The following DAB1 variants were observed in gnomAD, a reference collection of about 807,000 sequenced individuals.
The protein encoded by DAB1 is disabled homolog 1.
In DAB1, 15 loss-of-function variants were observed where a neutral mutation model predicts 64.6. The observed-to-expected ratio is 0.23, with a 90% CI of 0.16 to 0.36. The LOEUF (loss-of-function observed/expected upper bound fraction) is 0.36. Ranked by LOEUF, DAB1 falls within the 10% of genes least tolerant of loss-of-function variation. The pLI is 1.00. For missense variants in DAB1, 596 were observed against 706.7 expected, an observed-to-expected ratio of 0.84 and a Z score of 1.78; for synonymous variants, 235 against 251.9, an observed-to-expected ratio of 0.93 and a Z score of 0.64.
intron 6 of DAB1, among the ~76,000 whole-genome samples, chr1:57,652,476 C>T (rs745456722): frequency 1.2e-4 from 18 of 152,084 alleles, no homozygotes; most frequent in African/African-American, 3.4e-4. Flanking sequence ...GCTGGCTCTA[C>T]GTGTAAAAAT....
intron 5 of DAB1, among the ~76,000 whole-genome samples, chr1:58,086,258 C>T (rs539819957): frequency 2.6e-5 from 4 of 152,112 alleles, no homozygotes; most frequent in Non-Finnish European, 4.4e-5. Context: ...CCACCGCGCC[C>T]GGCCTGATCT....
intron 7 of DAB1, among the ~76,000 whole-genome samples, chr1:57,457,567 A>G (rs1031040831): frequency 6.6e-6 from 1 of 152,182 alleles, no homozygotes; most frequent in Non-Finnish European, 1.5e-5. Context: ...CAATGTATAC[A>G]GAAAGATATG....
intron 2 of DAB1, among the ~76,000 whole-genome samples, chr1:58,509,413 A>G (rs1036665478): frequency 4.7e-5 from 7 of 150,462 alleles, no homozygotes; most frequent in African/African-American, 1.7e-4. Flanking sequence ...TGGGTCAAGG[A>G]AAAAAAAACC....
At chr1:57,277,670 T>G (rs1671573874) in intron 2 of DAB1, among the ~76,000 whole-genome samples, 1 of 152,222 alleles carries the variant, frequency 6.6e-6, no homozygotes, top group Non-Finnish European at 1.5e-5. Flanking sequence ...ATAAGGGATA[T>G]GGGCATGATC....
intron 5 of DAB1, among the ~76,000 whole-genome samples, chr1:57,955,551 A>T (rs1450677648): frequency 6.6e-6 from 1 of 152,056 alleles, no homozygotes; most frequent in Non-Finnish European, 1.5e-5. Flanking sequence ...TTTCACTTTC[A>T]GTCACGATGC....
upstream of DAB1, among the ~76,000 whole-genome samples, chr1:57,426,934 G>A (rs1570506577): frequency 6.6e-6 from 1 of 150,846 alleles, no homozygotes; most frequent in South Asian, 2.1e-4. Flanking sequence ...CGCGATCTCG[G>A]CTCACTGCAA....
chr1:57,693,721 A>T (rs557722884), intron 6 of DAB1, among the ~76,000 whole-genome samples: 1 of 152,308 alleles, frequency 6.6e-6, no homozygotes, highest in South Asian at 2.1e-4. Flanking sequence ...CTGCGGCTTC[A>T]TTCTTGAAGT....
intron 4 of DAB1, among the ~76,000 whole-genome samples, chr1:58,193,282 G>A (rs1020949973): frequency 1.3e-5 from 2 of 152,072 alleles, no homozygotes; most frequent in African/African-American, 2.4e-5. Context: ...ATCTCAGCAC[G>A]TTCTGGCTCC....
At chr1:58,090,591 C>T (rs1650595764) in intron 5 of DAB1, among the ~76,000 whole-genome samples, 2 of 152,204 alleles carry the variant, frequency 1.3e-5, no homozygotes, top group South Asian at 4.1e-4. Flanking sequence ...AACTCTGTGA[C>T]TTTCTTGGGG....
At chr1:57,199,965 AC>A (rs1421279690) in intron 2 of DAB1, among the ~76,000 whole-genome samples, 2 of 152,200 alleles carry the variant, frequency 1.3e-5, no homozygotes, top group East Asian at 3.9e-4. Flanking sequence ...TGAGCATGGG[AC>A]CAAGGAATCC....
At chr1:58,081,944 C>T (rs1168318799) in intron 5 of DAB1, among the ~76,000 whole-genome samples, 2 of 152,138 alleles carry the variant, frequency 1.3e-5, no homozygotes, top group Non-Finnish European at 2.9e-5. Context: ...GTAAAGCCAA[C>T]TCTGAGCCCA....
chr1:58,403,746 G>T (rs116556784), intron 3 of DAB1, among the ~76,000 whole-genome samples: 3 of 152,162 alleles, frequency 2.0e-5, no homozygotes, highest in Non-Finnish European at 4.4e-5. Flanking sequence ...ACAGCTTCCC[G>T]AGTGCTCAGG....
intron 3 of DAB1, among the ~76,000 whole-genome samples, chr1:58,354,869 T>G (rs2897486): frequency 0.5 from 76,005 of 151,896 alleles, 19,002 homozygotes; most frequent in East Asian, 0.59. Flanking sequence ...CCAAGGCTCA[T>G]AAACATGTGT....
At position 56,995,069 on chromosome 1, in the gene DAB1, C is replaced by G. The variant is rs533730200; in HGVS notation, c.*3075G>C. 2 of 152,130 alleles carry G rather than the reference C, an allele frequency of 1.3e-5. No individual in the cohort carries two copies. The highest frequency in any genetic ancestry group is 4.8e-5 in the African/African-American group (2 of 41,504). 9.4% of individuals were successfully genotyped at this position (152,130 alleles called of 1,614,324 possible). ...TAAACATTTGTTTAAAAGAAGGTGC[C>G]CAGTACATTACATGATGGGGTTTCA... On this transcript the variant is annotated 3_prime_UTR_variant, in exon 15 of 15. Coordinates refer to ENST00000371236, the MANE Select transcript of DAB1 (RefSeq NM_001365792.1).
At chr1:57,930,011 GC>G (rs910436820) in intron 5 of DAB1, among the ~76,000 whole-genome samples, 5 of 152,158 alleles carry the variant, frequency 3.3e-5, no homozygotes, top group Non-Finnish European at 7.3e-5. Context: ...ATTACATGAA[GC>G]TTTATAGTTG....
intron 5 of DAB1, among the ~76,000 whole-genome samples, chr1:57,926,694 T>A (rs1309220886): frequency 1.3e-5 from 2 of 152,216 alleles, no homozygotes; most frequent in Admixed American, 1.3e-4. Flanking sequence ...TATACAAGTG[T>A]CAGATATGAC....
intron 7 of DAB1, among the ~76,000 whole-genome samples, chr1:57,644,543 A>G (rs1558570746): frequency 6.8e-6 from 1 of 147,362 alleles, no homozygotes; most frequent in African/African-American, 2.5e-5. Context: ...GCATGCACAT[A>G]TGTGTGTGTA....
chr1:57,685,439 A>T (rs1211063278), intron 6 of DAB1, among the ~76,000 whole-genome samples: 1 of 152,186 alleles, frequency 6.6e-6, no homozygotes, highest in Non-Finnish European at 1.5e-5. Flanking sequence ...CTACAAAAAG[A>T]CTTACATAGC....
intron 5 of DAB1, among the ~76,000 whole-genome samples, chr1:58,069,318 T>TA (rs1197924522): frequency 2.6e-5 from 4 of 152,140 alleles, no homozygotes; most frequent in African/African-American, 7.2e-5. Context: ...ACACAGAGAT[T>TA]AAGTTTGTCC....
Sources: gnomAD v4.1 joint callset for allele counts (sites outside exome capture counted in the v4.1 genomes callset) on GRCh38, gnomAD v4.1.1 for gene constraint, MANE v1.5 for transcripts, NCBI Gene and HGNC (gene_info 2026-07-23, HGNC 2026-07-21) for gene names.